AFF4: variants seen among roughly 807,000 people sequenced by gnomAD.
The protein encoded by AFF4 is ALF transcription elongation factor 4, also known as AF4/FMR2 family member 4.
A neutral mutation model predicts 124.8 loss-of-function variants in AFF4; 13 were observed. The ratio of observed to expected loss-of-function variants is 0.10; its 90% CI spans 0.07 to 0.17. The LOEUF (loss-of-function observed/expected upper bound fraction) is 0.17, where lower values mean the gene tolerates loss of function less well. Ranked by LOEUF, AFF4 falls within the 10% of genes least tolerant of loss-of-function variation. AFF4 has a pLI of 1.00. For missense variants in AFF4, 1,092 were observed against 1,403.8 expected (o/e 0.78, Z 3.55); for synonymous variants, 477 against 496.1 (o/e 0.96, Z 0.51).
At chr5:132,940,372 G>T (rs933309342) in intron 1 of AFF4, among the ~76,000 whole-genome samples, 3 of 151,022 alleles carry the variant, frequency 2.0e-5, no homozygotes, top group African/African-American at 7.3e-5. Context: ...GTGGCGGTGG[G>T]CGCCTGAAGT....
At chr5:132,953,470 A>T (rs1761888160) in intron 1 of AFF4, among the ~76,000 whole-genome samples, 1 of 151,902 alleles carries the variant, frequency 6.6e-6, no homozygotes, top group Admixed American at 6.6e-5. Context: ...GGCTGGCCTA[A>T]AACTCCTGGC....
At position 132,963,535 on chromosome 5, in the gene AFF4, G is replaced by A. The variant is rs1380156946; in HGVS notation, c.-281C>T. The stretch of plus-strand genomic sequence containing the variant: ...CCGGGCTGGGACAGCTGACTGAGGC[G>A]GCGGGGGCGGGTTAACGAAGACCTG... On this transcript the variant is annotated 5_prime_UTR_variant, in exon 1 of 21. Transcript: ENST00000265343. 5 of 398,128 alleles carry A rather than the reference G, an allele frequency of 1.3e-5. No homozygotes were observed. The Admixed American group carries it at 1.8e-4, about 14-fold the overall frequency. 24.7% of individuals were successfully genotyped at this position (398,128 alleles called of 1,614,324 possible).
At chr5:132,883,155 G>T (rs1760027256) in intron 20 of AFF4, among the ~76,000 whole-genome samples, 185 bp downstream of exon 20, 2 of 152,124 alleles carry the variant, frequency 1.3e-5, no homozygotes, top group African/African-American at 2.4e-5. Context: ...ATCATGAGAG[G>T]TATCTTTTGA....
chr5:132,887,422 A>G, intron 17 of AFF4, 99 bp downstream of exon 17: 3 of 1,108,376 alleles, frequency 2.7e-6, no homozygotes, highest in Non-Finnish European at 4.0e-6. Context: ...ACAGGATTAC[A>G]GAAGTCTGAT....
chr5:132,901,592 C>T (rs531543797), intron 7 of AFF4, among the ~76,000 whole-genome samples: 80 of 152,288 alleles, frequency 5.3e-4, no homozygotes, highest in South Asian at 6.2e-4. Context: ...TCATCCAATA[C>T]ATTACCCTGT....
At chr5:132,898,887 G>A (rs1030856383) in intron 9 of AFF4, among the ~76,000 whole-genome samples, 1 of 152,186 alleles carries the variant, frequency 6.6e-6, no homozygotes. Flanking sequence ...AGTTTCTGAT[G>A]TGCTACTTAG....
chr5:132,924,949 G>A (rs1037940266), intron 5 of AFF4, among the ~76,000 whole-genome samples: 1 of 151,984 alleles, frequency 6.6e-6, no homozygotes, highest in Middle Eastern at 3.4e-3. Context: ...GCCAAGGCGG[G>A]TGGATCACCT....
Position 132,899,571 on chromosome 5 carries a change from A to T in AFF4, c.1188+16T>A. On this transcript the variant is annotated intron_variant, in intron 8 of 20. Coordinates refer to ENST00000265343, the MANE Select transcript of AFF4 (RefSeq NM_014423.4). ...TACTATATGAGACTGGCAAAATAATACAATAGTAGACACACCTGTTCCCCA... is the reference window on the plus strand; with the variant it reads ...TACTATATGAGACTGGCAAAATAATTCAATAGTAGACACACCTGTTCCCCA... 1 of 1,597,674 alleles carries T rather than the reference A, an allele frequency of 6.3e-7. No homozygotes were observed. Among genetic ancestry groups the T allele is most frequent in the Non-Finnish European group, 8.5e-7 (1 of 1,171,712 alleles).
chr5:132,891,337 A>C (rs1357687903), intron 13 of AFF4, among the ~76,000 whole-genome samples: 2 of 152,230 alleles, frequency 1.3e-5, no homozygotes, highest in Non-Finnish European at 2.9e-5. Flanking sequence ...AATAGCTTTA[A>C]GGAGTCTTAT....
chr5:132,907,068 T>A lies in AFF4; in HGVS notation c.1051-2664A>T, dbSNP rs954291356. Among the ~76,000 whole-genome samples the A allele has an allele frequency of 3.3e-5, 5 of 152,228 alleles. No individual in the cohort carries two copies. In the East Asian group the frequency reaches 9.6e-4, roughly 29 times the overall value. On this transcript the variant is annotated intron_variant, in intron 5 of 20. Transcript: ENST00000265343. ...TCCAAATAATCTGATTTATTTGTCT[T>A]ATATCTGACAATAGTCAGCAGGTCC...
At position 132,880,013 on chromosome 5, in the gene AFF4, A is replaced by C; in HGVS notation, c.*1046T>G. Reference sequence around the variant, plus strand: ...CGAAGCTCCAGCCTATTTCTGTATCAGTCATTGCATGCTCATATCAGAGCA... The same window carrying C: ...CGAAGCTCCAGCCTATTTCTGTATCCGTCATTGCATGCTCATATCAGAGCA... On this transcript the variant is annotated 3_prime_UTR_variant, in exon 21 of 21. Coordinates refer to ENST00000265343, the MANE Select transcript of AFF4 (RefSeq NM_014423.4). The C allele has an allele frequency of 2.6e-6, 1 of 389,778 alleles. No individual in the cohort carries two copies. Among genetic ancestry groups the C allele is most frequent in the Non-Finnish European group, 4.5e-6 (1 of 220,636 alleles). 24.1% of individuals were successfully genotyped at this position (389,778 alleles called of 1,614,324 possible).
intron 13 of AFF4, among the ~76,000 whole-genome samples, chr5:132,889,483 G>T (rs1323755786): frequency 3.3e-5 from 5 of 152,118 alleles, no homozygotes; most frequent in African/African-American, 1.2e-4. Context: ...ACTACTTACG[G>T]CAACATTTAT....
At position 132,939,705 on chromosome 5, in the gene AFF4, G is replaced by A. The variant is rs541904368; in HGVS notation, c.-4-2512C>T. 9.1e-4 allele frequency among the ~76,000 whole-genome samples: 138 copies of A among 152,286 alleles called. 1 individual carries two copies. Among genetic ancestry groups the A allele is most frequent in the African/African-American group, 3.2e-3 (131 of 41,568 alleles). ...GGCTCACTGCAACCTCCACCACCCA[G>A]GTTCAATTGATTCTCCTGCCTCAGC... On this transcript the variant is annotated intron_variant, in intron 1 of 20. Coordinates refer to ENST00000265343, the MANE Select transcript of AFF4 (RefSeq NM_014423.4).
intron 1 of AFF4, chr5:132,943,859 G>T (rs146953101): frequency 8.8e-6 from 2 of 226,896 alleles, no homozygotes; most frequent in African/African-American, 4.6e-5. Context: ...CACACTGCCT[G>T]CAAGTTTCCT....
chr5:132,934,930 T>G lies in AFF4; in HGVS notation c.135A>C (p.Glu45Asp). 1 of 1,558,094 alleles carries G rather than the reference T, an allele frequency of 6.4e-7. No homozygotes were observed. The highest frequency in any genetic ancestry group is 8.7e-7 in the Non-Finnish European group (1 of 1,154,642). Residue 45 changes from glutamate (E) to aspartate (D), a missense_variant, in exon 3 of 21, where the codon GAA becomes GAC. Coordinates refer to ENST00000265343, the MANE Select transcript of AFF4 (RefSeq NM_014423.4). ...TCTGAATACGACTTGATAACTTATCTTCTTTGCTAGTCTACAAAAAAATAA... is the reference window on the plus strand; with the variant it reads ...TCTGAATACGACTTGATAACTTATCGTCTTTGCTAGTCTACAAAAAAATAA... ...FAEPYKVTSK[E>D]DKLSSRIQSM...
rs566620183 is a variant in AFF4, at chr5:132,897,620, G to A, written c.1390-380C>T. Among the ~76,000 whole-genome samples the A allele has an allele frequency of 8.8e-4, 133 of 151,772 alleles. 1 individual carries two copies. The highest frequency in any genetic ancestry group is 2.9e-3 in the African/African-American group (122 of 41,362). On this transcript the variant is annotated intron_variant, in intron 10 of 20. Coordinates refer to ENST00000265343, the MANE Select transcript of AFF4 (RefSeq NM_014423.4). ...AGCTACTCAGGAGGCTGAGGCAGGA[G>A]AATCACTTGAACCCGGGAGGCGGAG... is the stretch of plus-strand genomic sequence containing the variant.
At chr5:132,887,664 C>CA (rs1420609252) in intron 16 of AFF4, 72 bp from the exon 17 acceptor site, 6 of 1,536,406 alleles carry the variant, frequency 3.9e-6, no homozygotes, top group Non-Finnish European at 4.5e-6. Context: ...CACTTGTCCT[C>CA]AAAACATTAG....
At chr5:132,912,295 T>C (rs889097227) in intron 5 of AFF4, among the ~76,000 whole-genome samples, 4 of 151,744 alleles carry the variant, frequency 2.6e-5, no homozygotes, top group Non-Finnish European at 5.9e-5. Context: ...TGAGCCAAGA[T>C]TGCACCACTG....
chr5:132,938,015 T>C (rs1761472124), intron 1 of AFF4, among the ~76,000 whole-genome samples: 1 of 151,916 alleles, frequency 6.6e-6, no homozygotes, highest in Non-Finnish European at 1.5e-5. Flanking sequence ...ACAATGGTAG[T>C]AAAGGCTGGC....
Sources: allele counts gnomAD v4.1 joint callset (sites outside exome capture counted in the v4.1 genomes callset), GRCh38; gene constraint gnomAD v4.1.1; transcripts MANE v1.5; gene names NCBI Gene and HGNC (gene_info 2026-07-23, HGNC 2026-07-21).